The following CUX2 variants were observed in gnomAD, a reference collection of about 807,000 sequenced individuals.
CUX2 encodes cut like homeobox 2, also known as homeobox protein cut-like 2.
CUX2 carries 40 observed loss-of-function variants against 144.8 expected under a neutral mutation model. The observed-to-expected ratio is 0.28, with a 90% CI of 0.21 to 0.36. The LOEUF is 0.36. Ranked by LOEUF, CUX2 falls within the 10% of genes least tolerant of loss-of-function variation. CUX2 has a pLI of 1.00. For synonymous variants in CUX2, 827 were observed against 875.6 expected (o/e 0.94, Z 0.98); for missense variants, 1,615 against 1,994.0 (o/e 0.81, Z 3.62).
chr12:111,182,520 G>A (rs562037610), intron 1 of CUX2, among the ~76,000 whole-genome samples: 9 of 152,344 alleles, frequency 5.9e-5, no homozygotes, highest in East Asian at 3.9e-4. Flanking sequence ...GAGACCATCC[G>A]TGGGGTGGCT....
chr12:111,214,054 G>A, intron 1 of CUX2, 146 bp from the exon 2 acceptor site: 1 of 409,964 alleles, frequency 2.4e-6, no homozygotes, highest in South Asian at 7.6e-5. Context: ...TTTGTGCCAG[G>A]AGTCAATATC....
intron 18 of CUX2, among the ~76,000 whole-genome samples, chr12:111,330,099 A>G (rs755010050): frequency 1.3e-5 from 2 of 152,220 alleles, no homozygotes; most frequent in Non-Finnish European, 2.9e-5. Context: ...CAGCCTTGGC[A>G]TCACATGGAT....
In CUX2 at chr12:111,100,926, C is replaced by T. The variant is rs114891212; in HGVS notation, c.63+66686C>T. Among the ~76,000 whole-genome samples the T allele has an allele frequency of 3.3e-3, 500 of 152,322 alleles. 4 individuals carry two copies. The highest frequency in any genetic ancestry group is 0.01 in the African/African-American group (429 of 41,586). The stretch of plus-strand genomic sequence containing the variant: ...CCACCAAGGAGGTCACTGTAGACTC[C>T]CAGCCTCTTGCCTCAGCCCCAGCTC... On this transcript the variant is annotated intron_variant, in intron 1 of 21. Transcript: ENST00000261726.
At chr12:111,336,148 C>T (rs1262518681) in intron 19 of CUX2, among the ~76,000 whole-genome samples, 1 of 152,180 alleles carries the variant, frequency 6.6e-6, no homozygotes, top group Non-Finnish European at 1.5e-5. Flanking sequence ...GCTCAGTCCT[C>T]ACCCGGTGCT....
At chr12:111,204,512 G>A (rs539215018) in intron 1 of CUX2, among the ~76,000 whole-genome samples, 2 of 152,334 alleles carry the variant, frequency 1.3e-5, no homozygotes, top group Admixed American at 6.5e-5. Context: ...GGCAGACCTT[G>A]TAGAGACAGT....
intron 18 of CUX2, among the ~76,000 whole-genome samples, chr12:111,323,259 A>G (rs1311068287): frequency 1.3e-5 from 2 of 152,250 alleles, no homozygotes; most frequent in African/African-American, 2.4e-5. Flanking sequence ...AGGGGAGGCC[A>G]GACCCTGAGT....
intron 3 of CUX2, among the ~76,000 whole-genome samples, chr12:111,229,241 G>T (rs867293183): frequency 6.6e-6 from 1 of 152,200 alleles, no homozygotes; most frequent in Admixed American, 6.5e-5. Context: ...TAGCTCAGAG[G>T]CAGAGGGGCT....
At chr12:111,338,108 A>T (rs1305934991) in intron 19 of CUX2, among the ~76,000 whole-genome samples, 178 bp from the exon 20 acceptor site, 2 of 150,708 alleles carry the variant, frequency 1.3e-5, no homozygotes, top group East Asian at 3.9e-4. Flanking sequence ...TTACAGACAG[A>T]CCCCCCTCGG....
At position 111,143,665 on chromosome 12, in the gene CUX2, G is replaced by A. The variant is rs577530802; in HGVS notation, c.64-70535G>A. The stretch of plus-strand genomic sequence containing the variant: ...TATGCTCACTTAAAGAGACAATGCC[G>A]ACTTTCCAAGTTGGAGCTCACTTCT... On this transcript the variant is annotated intron_variant, in intron 1 of 21. Transcript: ENST00000261726. Among the ~76,000 whole-genome samples the A allele has an allele frequency of 3.5e-4, 54 of 152,354 alleles. 1 individual carries two copies. In the South Asian group the frequency reaches 0.01, roughly 29 times the overall value.
intron 20 of CUX2, among the ~76,000 whole-genome samples, chr12:111,340,735 C>T (rs979614476): frequency 6.6e-6 from 1 of 152,230 alleles, no homozygotes; most frequent in Non-Finnish European, 1.5e-5. Flanking sequence ...TTTGCCCTGG[C>T]ATGCTTATAG....
intron 19 of CUX2, among the ~76,000 whole-genome samples, chr12:111,337,491 C>T (rs2136439548): frequency 6.6e-6 from 1 of 152,310 alleles, no homozygotes; most frequent in East Asian, 1.9e-4. Context: ...CAGTTTTTTA[C>T]CCAACTGATG....
intron 1 of CUX2, among the ~76,000 whole-genome samples, chr12:111,067,359 C>A (rs1197300720): frequency 6.6e-6 from 1 of 152,142 alleles, no homozygotes; most frequent in Non-Finnish European, 1.5e-5. Flanking sequence ...AGGAAGGAAG[C>A]CTGAAGGAAG....
intron 1 of CUX2, among the ~76,000 whole-genome samples, chr12:111,153,831 C>T (rs1205919649): frequency 6.6e-6 from 1 of 152,212 alleles, no homozygotes. Context: ...GGGTAGCTTA[C>T]ACAACAAGGA....
chr12:111,324,390 G>T (rs924454669), intron 18 of CUX2, among the ~76,000 whole-genome samples: 3 of 151,048 alleles, frequency 2.0e-5, no homozygotes, highest in Non-Finnish European at 4.4e-5. Flanking sequence ...GCATAAGGAG[G>T]CAGCCCCCCA....
chr12:111,157,500 T>C (rs2136145953), intron 1 of CUX2, among the ~76,000 whole-genome samples: 1 of 151,708 alleles, frequency 6.6e-6, no homozygotes, highest in Middle Eastern at 3.4e-3. Context: ...TCACTCTAGG[T>C]TGTGTATAGA....
intron 1 of CUX2, among the ~76,000 whole-genome samples, chr12:111,132,156 T>C (rs1406068579): frequency 6.6e-6 from 1 of 152,226 alleles, no homozygotes; most frequent in Non-Finnish European, 1.5e-5. Context: ...GACTTCTCTG[T>C]GCCTGCAGGC....
At chr12:111,090,022 G>A (rs1872466664) in intron 1 of CUX2, among the ~76,000 whole-genome samples, 1 of 152,168 alleles carries the variant, frequency 6.6e-6, no homozygotes. Context: ...CATGTGCAGT[G>A]GAGGGGAGCA....
At chr12:111,113,758 T>C (rs747841542) in intron 1 of CUX2, among the ~76,000 whole-genome samples, 24 of 152,284 alleles carry the variant, frequency 1.6e-4, no homozygotes, top group African/African-American at 4.6e-4. Flanking sequence ...TTTCAAACCA[T>C]GTTGGCCAGG....
At chr12:111,222,475 A>G (rs1881905467) in intron 3 of CUX2, among the ~76,000 whole-genome samples, 1 of 152,172 alleles carries the variant, frequency 6.6e-6, no homozygotes, top group South Asian at 2.1e-4. Context: ...TGTATGGTGG[A>G]AAACCTTTTG....
Sources: allele counts gnomAD v4.1 joint callset (sites outside exome capture counted in the v4.1 genomes callset), GRCh38; gene constraint gnomAD v4.1.1; transcripts MANE v1.5; gene names NCBI Gene and HGNC (gene_info 2026-07-23, HGNC 2026-07-21).